Variants in ACO1 observed in about 807,000 individuals in gnomAD.
The protein encoded by ACO1 is cytoplasmic aconitate hydratase.
Under a neutral mutation model 105.1 loss-of-function variants are expected in ACO1, and 78 were observed. The observed-to-expected ratio is 0.74, with a 90% CI of 0.62 to 0.90. ACO1 has a LOEUF of 0.90. Among genes scored for constraint, ACO1 ranks in the 40% least tolerant of loss-of-function variants. The probability of loss-of-function intolerance (pLI) is 0.00; values close to 1 mark genes in which losing one functional copy is unlikely to be tolerated. For missense variants in ACO1, 965 were observed against 1,111.1 expected (o/e 0.87, Z 1.87); for synonymous variants, 364 against 397.4 (o/e 0.92, Z 1.00).
Position 32,429,411 on chromosome 9 carries a change from G to A in ACO1, c.1485-8G>A. ...TTTGTGTGTGTGTGCTTCTCTCTTG[G>A]TGTCTAGGTTTGACGTGGTGGGCTA... On this transcript the variant is annotated splice_region_variant and splice_polypyrimidine_tract_variant and intron_variant, in intron 12 of 20. Coordinates refer to ENST00000309951, the MANE Select transcript of ACO1 (RefSeq NM_002197.3). 6.2e-7 allele frequency: 1 copy of A among 1,613,814 alleles called. No homozygotes were observed.
At chr9:32,400,991 T>C (rs1260919763) in intron 1 of ACO1, among the ~76,000 whole-genome samples, 1 of 151,634 alleles carries the variant, frequency 6.6e-6, no homozygotes, top group Admixed American at 6.6e-5. Context: ...TATATACATA[T>C]ATATATTATT....
chr9:32,400,170 C>T (rs980108395), intron 1 of ACO1, among the ~76,000 whole-genome samples: 2 of 151,950 alleles, frequency 1.3e-5, no homozygotes, highest in African/African-American at 4.8e-5. Context: ...AGGGTTTCAC[C>T]ACCTTGGCCA....
chr9:32,422,845 T>C (rs1384882450), intron 8 of ACO1, among the ~76,000 whole-genome samples: 3 of 152,206 alleles, frequency 2.0e-5, no homozygotes, highest in Non-Finnish European at 4.4e-5. Context: ...AGGTAATACA[T>C]TTAAAATGTT....
rs1158958068 is a variant in ACO1, at chr9:32,405,588, GA to G, written c.83del (p.Glu28GlyfsTer28). On this transcript the variant is annotated frameshift_variant, in exon 2 of 21. Transcript: ENST00000309951. LOFTEE classifies it high-confidence loss of function. ...GKKFFNLNKL[E>X]DSRYGRLPFS... Reference sequence around the variant, plus strand: ...GAAATTCTTCAATTTGAATAAATTGGAGGATTCAAGATATGGTAGGTACATG... The same window carrying G: ...GAAATTCTTCAATTTGAATAAATTGGGGATTCAAGATATGGTAGGTACATG... 2.5e-6 allele frequency: 4 copies of G among 1,609,808 alleles called. No homozygotes were observed. The highest frequency in any genetic ancestry group is 3.3e-5 in the Admixed American group (2 of 59,842).
In ACO1 at chr9:32,452,839, C is replaced by T. The variant is rs903503547; in HGVS notation, c.*2728C>T. 9 of 151,946 alleles carry T rather than the reference C, an allele frequency of 5.9e-5. No individual in the cohort carries two copies. The highest frequency in any genetic ancestry group is 2.2e-4 in the African/African-American group (9 of 41,302). The allele number at this position is 151,946 out of a possible 1,614,324, so 9.4% of individuals were successfully genotyped here. A position where few individuals can be genotyped will look rare whatever the true frequency, so the allele number is the denominator to read the frequency against. On this transcript the variant is annotated 3_prime_UTR_variant, in exon 21 of 21. Coordinates refer to ENST00000309951, the MANE Select transcript of ACO1 (RefSeq NM_002197.3). ...TAAAATAAATCAGCCAGGTGTGCAC[C>T]TGTGGTCCCAGCTGTTCAGGAGGCT...
intron 1 of ACO1, among the ~76,000 whole-genome samples, chr9:32,397,117 G>A (rs1229468355): frequency 1.3e-5 from 2 of 152,164 alleles, no homozygotes; most frequent in African/African-American, 4.8e-5. Flanking sequence ...AAAGCTTTCT[G>A]ATATAGAGGC....
At chr9:32,391,900 G>A (rs753870019) in intron 1 of ACO1, among the ~76,000 whole-genome samples, 19 of 152,096 alleles carry the variant, frequency 1.2e-4, no homozygotes, top group Non-Finnish European at 2.4e-4. Context: ...TTGTATTAAC[G>A]GCAGAATCAA....
intron 4 of ACO1, among the ~76,000 whole-genome samples, chr9:32,410,068 C>A (rs1001806408): frequency 4.6e-5 from 7 of 152,250 alleles, no homozygotes; most frequent in Middle Eastern, 3.4e-3. Flanking sequence ...TTTTAATGAG[C>A]TTTTATCCCT....
At chr9:32,418,895 TA>T in intron 6 of ACO1, 142 bp from the exon 7 acceptor site, 1 of 1,025,082 alleles carries the variant, frequency 9.8e-7, no homozygotes, top group Non-Finnish European at 1.3e-6. Context: ...GGAGAAAAAA[TA>T]ACTGCTCTTT....
At chr9:32,427,887 A>C (rs1306814383) in intron 12 of ACO1, among the ~76,000 whole-genome samples, 3 of 152,234 alleles carry the variant, frequency 2.0e-5, no homozygotes, top group Non-Finnish European at 4.4e-5. Flanking sequence ...CATATTGTAT[A>C]GCTGTTCCAA....
intron 18 of ACO1, among the ~76,000 whole-genome samples, chr9:32,437,105 C>T (rs974160429): frequency 2.6e-5 from 4 of 152,114 alleles, no homozygotes; most frequent in Admixed American, 6.5e-5. Context: ...ATAACCCTGC[C>T]GACTTATTTT....
In ACO1 at chr9:32,427,101, T is replaced by A. The variant is rs142285088; in HGVS notation, c.1349-200T>A. 9.2e-3 allele frequency among the ~76,000 whole-genome samples: 1,394 copies of A among 152,320 alleles called. 21 individuals are homozygous for A. The highest frequency in any genetic ancestry group is 0.032 in the African/African-American group (1,316 of 41,560). ...CTTGCCTAGCTTTGAGTTTACTGCA[T>A]ATATCTAAATGACCGTTGGCCAGGG... On this transcript the variant is annotated intron_variant, in intron 11 of 20. Transcript: ENST00000309951.
At chr9:32,412,656 C>G (rs962055849) in intron 4 of ACO1, among the ~76,000 whole-genome samples, 100 of 152,206 alleles carry the variant, frequency 6.6e-4, no homozygotes, top group African/African-American at 2.2e-3. Context: ...GGACTCTGAA[C>G]CTGTCCTAAG....
chr9:32,407,876 A>G (rs531164740), intron 3 of ACO1, among the ~76,000 whole-genome samples: 1 of 152,238 alleles, frequency 6.6e-6, no homozygotes, highest in African/African-American at 2.4e-5. Context: ...AGTCTTGACC[A>G]TAACTGTTAA....
intron 10 of ACO1, among the ~76,000 whole-genome samples, chr9:32,424,913 T>C (rs1822053689): frequency 8.0e-6 from 1 of 124,324 alleles, no homozygotes; most frequent in South Asian, 2.8e-4. Context: ...CTCACCACAC[T>C]GTTTACTCAC....
chr9:32,427,417 C>A lies in ACO1; in HGVS notation c.1465C>A (p.Pro489Thr). ...TYYLQESGVM[P>T]YLSQLGFDVV... ...CTACCTACAAGAAAGCGGAGTCATG[C>A]CTTATCTGTCTCAGCTTGGGTGAGG... The change falls in exon 12 of 21, where the codon CCT (proline) becomes ACT (threonine). Residue 489 changes from proline to threonine, a missense_variant. Physicochemically the swap from Pro to Thr is conservative, Grantham distance 38. Transcript: ENST00000309951. The A allele has an allele frequency of 6.2e-7, 1 of 1,614,184 alleles. No homozygotes were observed. Among genetic ancestry groups the A allele is most frequent in the Non-Finnish European group, 8.5e-7 (1 of 1,180,026 alleles).
chr9:32,403,057 C>T (rs1821532150), intron 1 of ACO1, among the ~76,000 whole-genome samples: 1 of 152,150 alleles, frequency 6.6e-6, no homozygotes, highest in Non-Finnish European at 1.5e-5. Flanking sequence ...AGAGGATTTC[C>T]CATGACTTTC....
intron 12 of ACO1, among the ~76,000 whole-genome samples, chr9:32,428,082 C>T (rs1438922451): frequency 4.0e-5 from 6 of 150,684 alleles, no homozygotes; most frequent in Non-Finnish European, 7.4e-5. Context: ...TGAAACTAGC[C>T]AGGGCAACAT....
chr9:32,442,320 TG>T (rs1822499042), intron 19 of ACO1, among the ~76,000 whole-genome samples: 1 of 152,138 alleles, frequency 6.6e-6, no homozygotes, highest in Non-Finnish European at 1.5e-5. Context: ...GCAGCAGATC[TG>T]GGGTAGTACG....
Sources: allele counts gnomAD v4.1 joint callset (sites outside exome capture counted in the v4.1 genomes callset), GRCh38; gene constraint gnomAD v4.1.1; transcripts MANE v1.5; gene names NCBI Gene and HGNC (gene_info 2026-07-23, HGNC 2026-07-21).